COL11A1: variants seen among roughly 807,000 people sequenced by gnomAD.
COL11A1 encodes the protein collagen alpha-1(XI) chain.
In COL11A1, 74 loss-of-function variants were observed where a neutral mutation model predicts 265.2. The ratio of observed to expected loss-of-function variants is 0.28; its 90% CI spans 0.23 to 0.34. The LOEUF (loss-of-function observed/expected upper bound fraction) is 0.34, where lower values mean the gene tolerates loss of function less well. Ranked by LOEUF, COL11A1 falls within the 10% of genes least tolerant of loss-of-function variation. COL11A1 has a pLI of 1.00. For missense variants in COL11A1, 2,165 were observed against 2,263.6 expected (o/e 0.96, Z 0.88); for synonymous variants, 816 against 727.6 (o/e 1.12, Z -1.96).
intron 38 of COL11A1, 65 bp from the exon 39 acceptor site, chr1:102,962,825 CA>C: frequency 1.4e-6 from 2 of 1,422,342 alleles, no homozygotes; most frequent in Admixed American, 1.7e-5. Flanking sequence ...AACACAAACT[CA>C]AAAACAGTAT....
chr1:102,942,989 A>G (rs183653480), intron 42 of COL11A1, among the ~76,000 whole-genome samples: 8 of 152,228 alleles, frequency 5.3e-5, no homozygotes, highest in Admixed American at 4.6e-4. Flanking sequence ...CAAAATCATG[A>G]ACTAAATAAA....
At chr1:102,936,650 C>CT (rs1287163356) in intron 44 of COL11A1, among the ~76,000 whole-genome samples, 1 of 152,126 alleles carries the variant, frequency 6.6e-6, no homozygotes, top group Non-Finnish European at 1.5e-5. Flanking sequence ...TGTGTCAACA[C>CT]TTTGAGGACC....
At chr1:103,007,854 G>A (rs917165938) in intron 15 of COL11A1, among the ~76,000 whole-genome samples, 4 of 119,148 alleles carry the variant, frequency 3.4e-5, no homozygotes, top group African/African-American at 1.3e-4. Context: ...AGAGCAGAGT[G>A]AGACTCTGTC....
chr1:102,957,808 C>T (rs567259450), intron 41 of COL11A1, among the ~76,000 whole-genome samples: 64 of 151,710 alleles, frequency 4.2e-4, no homozygotes, highest in Non-Finnish European at 8.8e-4. Context: ...CTTCTTCAAG[C>T]CTCAGATCTT....
At chr1:102,878,731 A>AC (rs1262319401) in intron 66 of COL11A1, among the ~76,000 whole-genome samples, 5 of 148,618 alleles carry the variant, frequency 3.4e-5, no homozygotes, top group Non-Finnish European at 7.5e-5. Context: ...CTGGTCTTGA[A>AC]CTCCTGACCT....
Position 102,943,452 on chromosome 1 carries a change from TACACAC to T in COL11A1, c.3277-3024_3277-3019del, listed in dbSNP as rs199996712. Among the ~76,000 whole-genome samples the T allele has an allele frequency of 2.8e-4, 22 of 79,442 alleles. 1 individual carries two copies. The Middle Eastern group carries it at 0.049, about 177-fold the overall frequency. The allele number at this position is 79,442 out of a possible 152,430, so 52.1% of individuals were successfully genotyped here. On this transcript the variant is annotated intron_variant, in intron 42 of 66. Transcript: ENST00000370096. ...CTCTGGAGATACACACACACACACA[TACACAC>T]ACACACACACACACACACACACACA...
intron 24 of COL11A1, 71 bp from the exon 25 acceptor site, chr1:102,998,434 T>C (rs1664831781): frequency 3.8e-6 from 4 of 1,050,980 alleles, no homozygotes; most frequent in African/African-American, 3.3e-5. Context: ...ACATATACTA[T>C]GAATGAAATT....
At chr1:103,081,638 A>C (rs1279563297) in intron 2 of COL11A1, among the ~76,000 whole-genome samples, 1 of 151,930 alleles carries the variant, frequency 6.6e-6, no homozygotes, top group Non-Finnish European at 1.5e-5. Context: ...TCCTTCTATG[A>C]AAAGTGTACT....
chr1:103,072,072 T>C (rs1671635175), intron 4 of COL11A1, among the ~76,000 whole-genome samples: 1 of 151,842 alleles, frequency 6.6e-6, no homozygotes. Context: ...CCCAAATCAA[T>C]TCATATACTC....
intron 4 of COL11A1, among the ~76,000 whole-genome samples, chr1:103,039,804 A>G (rs1158059519): frequency 1.3e-5 from 2 of 151,806 alleles, no homozygotes; most frequent in Middle Eastern, 3.2e-3. Flanking sequence ...ATTTCAATTG[A>G]AAAAAAATAC....
At chr1:103,012,351 T>G in intron 14 of COL11A1, 62 bp downstream of exon 14, 1 of 1,229,056 alleles carries the variant, frequency 8.1e-7, no homozygotes, top group Non-Finnish European at 1.2e-6. Context: ...CTGGAAGAAG[T>G]TGCACAGGGA....
In COL11A1 at chr1:103,017,825, C is replaced by G. The variant is rs752749747; in HGVS notation, c.1408G>C (p.Asp470His). ...GPTGPPGDPG[D>H]RGPPGRPGLP... is the part of the protein sequence containing the mutation. The stretch of plus-strand genomic sequence containing the variant: ...TATCATGTCCATTCACTTACCCTAT[C>G]GCCAGGGTCACCAGGGGGTCCAGTG... The change falls in exon 11 of 67, where the codon GAT (aspartate) becomes CAT (histidine). Residue 470 changes from aspartate to histidine, a missense_variant. Coordinates refer to ENST00000370096, the MANE Select transcript of COL11A1 (RefSeq NM_001854.4). 5.7e-5 allele frequency: 92 copies of G among 1,612,526 alleles called. No homozygotes were observed. The highest frequency in any genetic ancestry group is 7.4e-5 in the Non-Finnish European group (87 of 1,178,808).
chr1:102,904,220 A>T (rs1653599227), intron 54 of COL11A1, among the ~76,000 whole-genome samples: 1 of 152,204 alleles, frequency 6.6e-6, no homozygotes, highest in Non-Finnish European at 1.5e-5. Context: ...TACAAAAATT[A>T]ATTCAAGATG....
At chr1:102,981,922 A>C (rs909271169) in intron 31 of COL11A1, among the ~76,000 whole-genome samples, 3 of 151,856 alleles carry the variant, frequency 2.0e-5, no homozygotes, top group Non-Finnish European at 2.9e-5. Flanking sequence ...TACAGGCCTT[A>C]ATCTGCTTGA....
Position 102,915,639 on chromosome 1 carries a change from C to T in COL11A1, c.3808G>A (p.Gly1270Ser), listed in dbSNP as rs1281016939. 1.9e-6 allele frequency: 3 copies of T among 1,613,194 alleles called. No homozygotes were observed. Among genetic ancestry groups the T allele is most frequent in the Non-Finnish European group, 2.5e-6 (3 of 1,179,316 alleles). Residue 1270 changes from glycine to serine, a missense_variant, in exon 50 of 67, where the codon GGT becomes AGT. Coordinates refer to ENST00000370096, the MANE Select transcript of COL11A1 (RefSeq NM_001854.4). ...AATAACACAGTACTTACGCCTACACCTGCTTCCCCAGGAGGCCCTGGGTTC... is the reference window on the plus strand; with the variant it reads ...AATAACACAGTACTTACGCCTACACTTGCTTCCCCAGGAGGCCCTGGGTTC... ...AGNPGPPGEA[G>S]VGGPKGERGE...
chr1:103,086,989 G>T (rs1029900393), intron 1 of COL11A1, among the ~76,000 whole-genome samples: 1 of 152,114 alleles, frequency 6.6e-6, no homozygotes, highest in Non-Finnish European at 1.5e-5. Flanking sequence ...GTCATTAAAT[G>T]GATTCTACTG....
chr1:102,898,420 T>C (rs1570663163), intron 56 of COL11A1, among the ~76,000 whole-genome samples: 1 of 151,874 alleles, frequency 6.6e-6, no homozygotes, highest in Non-Finnish European at 1.5e-5. Flanking sequence ...TTTCACATCA[T>C]TGAAATTTTA....
At chr1:103,027,399 ATATATATATATATATATAT>A (rs1667614454) in intron 5 of COL11A1, among the ~76,000 whole-genome samples, 60 of 18,008 alleles carry the variant, frequency 3.3e-3, no homozygotes, top group African/African-American at 5.3e-3. Flanking sequence ...AAACTCTAAT[ATATATATATATATATATAT>A]ATATATATAT....
chr1:103,107,172 G>T (rs1674759121), intron 1 of COL11A1, among the ~76,000 whole-genome samples: 1 of 152,052 alleles, frequency 6.6e-6, no homozygotes, highest in Non-Finnish European at 1.5e-5. Flanking sequence ...CCCTCCGTGG[G>T]TACTGACAGG....
Sources: gnomAD v4.1 joint callset for allele counts (sites outside exome capture counted in the v4.1 genomes callset) on GRCh38, gnomAD v4.1.1 for gene constraint, MANE v1.5 for transcripts, NCBI Gene and HGNC (gene_info 2026-07-23, HGNC 2026-07-21) for gene names.